The following SETD5 variants were observed in gnomAD, a reference collection of about 807,000 sequenced individuals.
SETD5 encodes the protein SET domain containing 5.
Under a neutral mutation model 153.3 loss-of-function variants are expected in SETD5, and 44 were observed. The observed-to-expected ratio is 0.29, with a 90% confidence interval of 0.23 to 0.37. The LOEUF is 0.37. Among genes scored for constraint, SETD5 ranks in the 10% least tolerant of loss-of-function variants. The pLI is 1.00. For synonymous variants in SETD5, 716 were observed against 645.2 expected (o/e 1.11, Z -1.66); for missense variants, 1,544 against 1,768.0 (o/e 0.87, Z 2.27).
chr3:9,414,680 T>A (rs187996032), intron 1 of SETD5, among the ~76,000 whole-genome samples: 128 of 152,302 alleles, frequency 8.4e-4, no homozygotes, highest in Middle Eastern at 3.4e-3. Flanking sequence ...TTTTACTGTA[T>A]TCTCCTCATC....
At chr3:9,410,201 C>G (rs955630711) in intron 1 of SETD5, among the ~76,000 whole-genome samples, 1 of 152,118 alleles carries the variant, frequency 6.6e-6, no homozygotes, top group African/African-American at 2.4e-5. Context: ...GGATACTATA[C>G]GCAGTTGTAA....
At chr3:9,475,460 C>G in intron 22 of SETD5, 23 bp from the exon 23 acceptor site, 2 of 1,591,766 alleles carry the variant, frequency 1.3e-6, no homozygotes, top group Non-Finnish European at 1.7e-6. Flanking sequence ...CGTCCTTATT[C>G]GTTTCCTCCC....
intron 7 of SETD5, among the ~76,000 whole-genome samples, chr3:9,439,854 A>G (rs1436428117): frequency 6.6e-6 from 1 of 152,250 alleles, no homozygotes; most frequent in African/African-American, 2.4e-5. Context: ...TTAGAAAGAT[A>G]TACTCAAATA....
In SETD5 at chr3:9,475,951, TCAGCTGTCTAC is replaced by T. The variant is rs2045814710; in HGVS notation, c.4193_4203del (p.Ala1398GlyfsTer52). ...TATCAGTCTGCCCAGTGCTGGGCAG[TCAGCTGTCTAC>T]CAGGCCTCCAGGGTATCTGCGGTTT... On this transcript the variant is annotated frameshift_variant, in exon 23 of 23. Coordinates refer to ENST00000402198, the MANE Select transcript of SETD5 (RefSeq NM_001080517.3). LOFTEE classifies it high-confidence loss of function. 1 of 1,613,916 alleles carries T rather than the reference TCAGCTGTCTAC, an allele frequency of 6.2e-7. No individual in the cohort carries two copies.
rs1480654910 is a variant in SETD5, at chr3:9,476,635, C to T, written c.*544C>T. 1 of 153,370 alleles carries T rather than the reference C, an allele frequency of 6.5e-6. No homozygotes were observed. Among genetic ancestry groups the T allele is most frequent in the Non-Finnish European group, 1.5e-5 (1 of 68,660 alleles). 9.5% of individuals were successfully genotyped at this position (153,370 alleles called of 1,614,324 possible). A position where few individuals can be genotyped will look rare whatever the true frequency, so the allele number is the denominator to read the frequency against. On this transcript the variant is annotated 3_prime_UTR_variant, in exon 23 of 23. Coordinates refer to ENST00000402198, the MANE Select transcript of SETD5 (RefSeq NM_001080517.3). Reference sequence around the variant, plus strand: ...CAGGTATCTGGCCAATGTGTGTCCACCAAGAATACTGTTTATCTTTGTCTT... The same window carrying T: ...CAGGTATCTGGCCAATGTGTGTCCATCAAGAATACTGTTTATCTTTGTCTT...
Position 9,433,959 on chromosome 3 carries a change from G to T in SETD5, c.177+9G>T. 1 of 1,613,550 alleles carries T rather than the reference G, an allele frequency of 6.2e-7. No homozygotes were observed. Among genetic ancestry groups the T allele is most frequent in the Non-Finnish European group, 8.5e-7 (1 of 1,179,528 alleles). On this transcript the variant is annotated intron_variant, in intron 4 of 22. Coordinates refer to ENST00000402198, the MANE Select transcript of SETD5 (RefSeq NM_001080517.3). ...GAGGACTGCCTTATGCTGTGAGTAT[G>T]CATTTGTTTCTCTCCAGAACAGTGA...
chr3:9,430,988 C>T, intron 3 of SETD5: 2 of 985,438 alleles, frequency 2.0e-6, no homozygotes, highest in Non-Finnish European at 2.4e-6. Flanking sequence ...TAACTAGCTA[C>T]ATACCATTCT....
chr3:9,408,480 T>C (rs941550463), intron 1 of SETD5, among the ~76,000 whole-genome samples: 3 of 152,352 alleles, frequency 2.0e-5, no homozygotes, highest in Admixed American at 1.3e-4. Flanking sequence ...CATACCTTGA[T>C]TGGTAAGTTT....
intron 19 of SETD5, among the ~76,000 whole-genome samples, chr3:9,472,247 C>G (rs2045384104): frequency 6.6e-6 from 1 of 152,174 alleles, no homozygotes; most frequent in African/African-American, 2.4e-5. Flanking sequence ...ATGCCAAATT[C>G]TGTGCTGGAT....
chr3:9,437,109 T>A (rs2040661925), intron 7 of SETD5, among the ~76,000 whole-genome samples: 1 of 152,180 alleles, frequency 6.6e-6, no homozygotes, highest in Admixed American at 6.5e-5. Context: ...CATTGATTGG[T>A]TTTTCATTCA....
At chr3:9,461,463 T>A (rs1341292987) in intron 17 of SETD5, among the ~76,000 whole-genome samples, 2 of 152,200 alleles carry the variant, frequency 1.3e-5, no homozygotes, top group Non-Finnish European at 2.9e-5. Flanking sequence ...GATATGATTT[T>A]CAGGTTGTGT....
chr3:9,464,173 G>A (rs1000468731), intron 17 of SETD5, among the ~76,000 whole-genome samples: 3 of 152,040 alleles, frequency 2.0e-5, no homozygotes, highest in Non-Finnish European at 4.4e-5. Flanking sequence ...ATTTTGCACT[G>A]GTAGAAATTA....
Position 9,465,543 on chromosome 3 carries a change from G to T in SETD5, c.2724+871G>T, listed in dbSNP as rs1181107263. 2.0e-5 allele frequency among the ~76,000 whole-genome samples: 3 copies of T among 152,282 alleles called. No homozygotes were observed. In the East Asian group the frequency reaches 5.8e-4, roughly 29 times the overall value. ...CCCCCTTGTTTGCACTTCTCCAGAT[G>T]TGTTTTTTGAGAAAGGTGAACATTT... On this transcript the variant is annotated intron_variant, in intron 18 of 22. Coordinates refer to ENST00000402198, the MANE Select transcript of SETD5 (RefSeq NM_001080517.3).
intron 1 of SETD5, among the ~76,000 whole-genome samples, chr3:9,401,477 A>G (rs1419873769): frequency 6.6e-6 from 1 of 152,150 alleles, no homozygotes; most frequent in Non-Finnish European, 1.5e-5. Flanking sequence ...ACTTTTTTAT[A>G]TCTTTTGATA....
chr3:9,430,465 A>G (rs2039828709), intron 3 of SETD5: 1 of 519,884 alleles, frequency 1.9e-6, no homozygotes, highest in Non-Finnish European at 2.5e-6. Flanking sequence ...TTTGCATGCA[A>G]AAGGTATTTA....
At chr3:9,406,938 T>C (rs1385723811) in intron 1 of SETD5, among the ~76,000 whole-genome samples, 1 of 152,192 alleles carries the variant, frequency 6.6e-6, no homozygotes, top group Non-Finnish European at 1.5e-5. Flanking sequence ...GTAGTCACCT[T>C]ATTGGTGGCA....
chr3:9,431,457 T>G, intron 3 of SETD5: 1 of 953,538 alleles, frequency 1.0e-6, no homozygotes, highest in Non-Finnish European at 1.2e-6. Context: ...ATTCATATTT[T>G]AAAATATAAA....
intron 1 of SETD5, among the ~76,000 whole-genome samples, chr3:9,418,618 C>T (rs2037902867): frequency 6.6e-6 from 1 of 151,930 alleles, no homozygotes; most frequent in South Asian, 2.1e-4. Flanking sequence ...CCCTGGCCAA[C>T]ATGGTGAAAC....
intron 1 of SETD5, among the ~76,000 whole-genome samples, chr3:9,402,403 A>G (rs1032038172): frequency 4.6e-5 from 7 of 152,112 alleles, no homozygotes; most frequent in Non-Finnish European, 8.8e-5. Context: ...TTATACCATC[A>G]TATTGATTTT....
Sources: allele counts gnomAD v4.1 joint callset (sites outside exome capture counted in the v4.1 genomes callset), GRCh38; gene constraint gnomAD v4.1.1; transcripts MANE v1.5; gene names NCBI Gene and HGNC (gene_info 2026-07-23, HGNC 2026-07-21).